The following TYW1B variants were observed in gnomAD, a reference collection of about 807,000 sequenced individuals.
TYW1B encodes the protein tRNA-yW synthesizing protein 1 homolog B.
Under a neutral mutation model 86.9 loss-of-function variants are expected in TYW1B, and 73 were observed. The ratio of observed to expected loss-of-function variants is 0.84; its 90% CI spans 0.70 to 1.02. The LOEUF (loss-of-function observed/expected upper bound fraction) is 1.02. Among genes scored for constraint, TYW1B ranks in the 50% least tolerant of loss-of-function variants. TYW1B has a pLI of 0.00. For missense variants in TYW1B, 637 were observed against 827.4 expected (o/e 0.77, Z 2.82); for synonymous variants, 248 against 292.8 (o/e 0.85, Z 1.56).
chr7:72,727,421 A>C (rs1787020459), intron 9 of TYW1B, among the ~76,000 whole-genome samples: 1 of 152,178 alleles, frequency 6.6e-6, no homozygotes, highest in South Asian at 2.1e-4. Flanking sequence ...AACAAATTCC[A>C]ATTCATCACC....
rs573545290 is a variant in TYW1B, at chr7:72,777,604, A to G, written c.847-71T>C. The G allele has an allele frequency of 3.2e-6, 5 of 1,559,716 alleles. No homozygotes were observed. The South Asian group carries it at 5.8e-5, about 18-fold the overall frequency. ...TGTAAATAACAGCACAATCATGAAC[A>G]CCTAGCATCAATAAAAAGGTCCATT... On this transcript the variant is annotated intron_variant, in intron 6 of 13. Coordinates refer to ENST00000620995, the MANE Select transcript of TYW1B (RefSeq NM_001145440.3).
chr7:72,825,659 C>G (rs1337321973), intron 2 of TYW1B, among the ~76,000 whole-genome samples: 2 of 152,132 alleles, frequency 1.3e-5, no homozygotes, highest in Admixed American at 6.6e-5. Flanking sequence ...GCCTGGGTGA[C>G]AGAGTGAGAC....
chr7:72,585,634 C>T (rs1362176186), intron 13 of TYW1B, among the ~76,000 whole-genome samples: 3 of 152,076 alleles, frequency 2.0e-5, no homozygotes, highest in Non-Finnish European at 4.4e-5. Flanking sequence ...ATTCTGGAGA[C>T]AGTGAATAAA....
At chr7:72,780,204 A>G (rs1788027599) in intron 6 of TYW1B, among the ~76,000 whole-genome samples, 1 of 152,152 alleles carries the variant, frequency 6.6e-6, no homozygotes, top group Admixed American at 6.5e-5. Context: ...TCCTGGGCTC[A>G]AGCGATCCTC....
intron 6 of TYW1B, among the ~76,000 whole-genome samples, chr7:72,782,985 G>A (rs11982710): frequency 0.69 from 104,448 of 152,104 alleles, 36,798 homozygotes; most frequent in Non-Finnish European, 0.77. Context: ...ATGGGCATTC[G>A]GTAAATGTTG....
At chr7:72,729,531 T>C (rs1400554484) in intron 8 of TYW1B, among the ~76,000 whole-genome samples, 1 of 151,894 alleles carries the variant, frequency 6.6e-6, no homozygotes, top group Admixed American at 6.6e-5. Context: ...ATATAAAAGA[T>C]TACAATGCCA....
At chr7:72,607,765 A>G (rs1554435148) in intron 13 of TYW1B, among the ~76,000 whole-genome samples, 1 of 152,156 alleles carries the variant, frequency 6.6e-6, no homozygotes, top group Non-Finnish European at 1.5e-5. Flanking sequence ...GAGAAGAGAA[A>G]TAAGATGAGG....
intron 10 of TYW1B, among the ~76,000 whole-genome samples, chr7:72,696,867 GATCC>G (rs1554451596): frequency 5.3e-5 from 8 of 152,114 alleles, no homozygotes; most frequent in Non-Finnish European, 8.8e-5. Flanking sequence ...GTACTAAGGG[GATCC>G]TTTGAAGTTC....
At chr7:72,782,679 C>T (rs1788069008) in intron 6 of TYW1B, among the ~76,000 whole-genome samples, 1 of 151,572 alleles carries the variant, frequency 6.6e-6, no homozygotes, top group Non-Finnish European at 1.5e-5. Context: ...GAGTTTGAGA[C>T]CAGTCTGGCC....
intron 8 of TYW1B, among the ~76,000 whole-genome samples, chr7:72,732,082 A>AAGT (rs1787123243): frequency 6.6e-6 from 1 of 151,714 alleles, no homozygotes; most frequent in South Asian, 2.1e-4. Flanking sequence ...CTGCAGCAAG[A>AAGT]TCTAACAACT....
At chr7:72,733,571 G>A (rs1787150148) in intron 8 of TYW1B, among the ~76,000 whole-genome samples, 2 of 152,146 alleles carry the variant, frequency 1.3e-5, no homozygotes, top group Non-Finnish European at 2.9e-5. Flanking sequence ...TGAGGCAGGG[G>A]AATCGCTTGA....
intron 7 of TYW1B, among the ~76,000 whole-genome samples, chr7:72,776,501 C>G (rs1184957894): frequency 8.2e-6 from 1 of 121,456 alleles, no homozygotes; most frequent in Non-Finnish European, 1.6e-5. Context: ...GCAGAGGTTA[C>G]AGTGAGCCAA....
At chr7:72,806,637 CT>C (rs1298528220) in intron 5 of TYW1B, among the ~76,000 whole-genome samples, 1 of 151,852 alleles carries the variant, frequency 6.6e-6, no homozygotes, top group South Asian at 2.1e-4. Context: ...CATCTTCCTT[CT>C]TTTTTTGTTA....
intron 11 of TYW1B, among the ~76,000 whole-genome samples, chr7:72,652,263 A>T (rs1416036581): frequency 6.6e-6 from 1 of 150,434 alleles, no homozygotes; most frequent in Non-Finnish European, 1.5e-5. Flanking sequence ...CTGAAGTCCC[A>T]GCTACTTGGG....
intron 13 of TYW1B, among the ~76,000 whole-genome samples, chr7:72,595,553 T>C (rs1156651537): frequency 6.6e-6 from 1 of 152,072 alleles, no homozygotes; most frequent in Non-Finnish European, 1.5e-5. Context: ...TGTGATGGCA[T>C]GCACTTGTAG....
In TYW1B at chr7:72,625,702, C is replaced by CA. The variant is rs543434096; in HGVS notation, c.1617+3184dup. Among the ~76,000 whole-genome samples the CA allele has an allele frequency of 2.1e-3, 327 of 152,196 alleles. 3 individuals carry two copies. Among genetic ancestry groups the CA allele is most frequent in the African/African-American group, 7.2e-3 (301 of 41,542 alleles). On this transcript the variant is annotated intron_variant, in intron 12 of 13. Transcript: ENST00000620995. ...CAAAACAAAACATCTCAGCTATAGA[C>CA]AGAAGGCTTTATCTATTTCCTAGTG...
At chr7:72,796,464 G>A (rs1554474479) in intron 6 of TYW1B, among the ~76,000 whole-genome samples, 2 of 146,668 alleles carry the variant, frequency 1.4e-5, no homozygotes, top group South Asian at 2.2e-4. Context: ...TTGAACTCCT[G>A]ACCTCAGGTG....
rs781946271 is a variant in TYW1B at position 72,744,541 on chromosome 7, C to T, written c.1025G>A (p.Arg342His). 2.6e-6 allele frequency: 4 copies of T among 1,517,530 alleles called. No homozygotes were observed. Among genetic ancestry groups the T allele is most frequent in the Non-Finnish European group, 3.5e-6 (4 of 1,135,914 alleles). 94.0% of individuals were successfully genotyped at this position (1,517,530 alleles called of 1,614,324 possible). ...CAAGCTCGGGGTGGTTTCCATGCAG[C>T]GATGGCTCTCATTCCATAGAATGTG... ...QTHILWNESH[R>H]CMETTPSLAC... Residue 342 changes from arginine (R) to histidine (H), a missense_variant, in exon 8 of 14, where the codon CGC (arginine) becomes CAC (histidine). Physicochemically the swap from Arg to His is conservative, Grantham distance 29 (BLOSUM62 0). Transcript: ENST00000620995.
At chr7:72,669,086 T>C (rs1193773402) in intron 11 of TYW1B, among the ~76,000 whole-genome samples, 2 of 149,106 alleles carry the variant, frequency 1.3e-5, no homozygotes, top group Non-Finnish European at 3.0e-5. Flanking sequence ...CAGTCATTTA[T>C]ACACAAAAAT....
Sources: allele counts gnomAD v4.1 joint callset (sites outside exome capture counted in the v4.1 genomes callset), GRCh38; gene constraint gnomAD v4.1.1; transcripts MANE v1.5; gene names NCBI Gene and HGNC (gene_info 2026-07-23, HGNC 2026-07-21).